The following GSS variants were observed in gnomAD, a reference collection of about 807,000 sequenced individuals.
GSS encodes glutathione synthetase.
In GSS, 34 loss-of-function variants were observed where a neutral mutation model predicts 60.4. The observed-to-expected ratio is 0.56, with a 90% CI of 0.43 to 0.75. The LOEUF (loss-of-function observed/expected upper bound fraction) is 0.75. GSS is among the 30% of genes least tolerant of loss of function. The pLI is 0.00. For synonymous variants in GSS, 224 were observed against 239.0 expected (o/e 0.94, Z 0.58); for missense variants, 499 against 595.1 (o/e 0.84, Z 1.68).
At chr20:34,945,055 C>G (rs920809492) in intron 3 of GSS, among the ~76,000 whole-genome samples, 1 of 151,424 alleles carries the variant, frequency 6.6e-6, no homozygotes, top group African/African-American at 2.4e-5. Context: ...GAGTCTCGCT[C>G]TGTCGCCCAG....
chr20:34,953,373 C>T (rs1210331329), intron 1 of GSS, among the ~76,000 whole-genome samples: 2 of 152,146 alleles, frequency 1.3e-5, no homozygotes, highest in African/African-American at 4.8e-5. Context: ...AAAGAATGCG[C>T]ATGTGATCTC....
intron 6 of GSS, among the ~76,000 whole-genome samples, chr20:34,941,144 C>T (rs2081479240): frequency 6.6e-6 from 1 of 152,150 alleles, no homozygotes; most frequent in Non-Finnish European, 1.5e-5. Flanking sequence ...ATCACGAGGT[C>T]AGGAGTTCGA....
chr20:34,941,049 G>C (rs2081478272), intron 6 of GSS, among the ~76,000 whole-genome samples: 1 of 152,076 alleles, frequency 6.6e-6, no homozygotes, highest in Non-Finnish European at 1.5e-5. Flanking sequence ...AAACAGACAA[G>C]AAAACTATGA....
chr20:34,932,256 A>G, intron 9 of GSS, 123 bp from the exon 10 acceptor site: 1 of 805,978 alleles, frequency 1.2e-6, no homozygotes, highest in South Asian at 1.4e-5. Context: ...ATCACCCAGG[A>G]TCATTCTAAC....
chr20:34,936,293 T>C (rs576458928), intron 8 of GSS, among the ~76,000 whole-genome samples: 38 of 152,230 alleles, frequency 2.5e-4, no homozygotes, highest in Admixed American at 4.6e-4. Flanking sequence ...TCTAAATATA[T>C]GTGCTGCAAT....
At chr20:34,941,597 C>T (rs2081483231) in intron 6 of GSS, 116 bp downstream of exon 6, 1 of 746,812 alleles carries the variant, frequency 1.3e-6, no homozygotes, top group Admixed American at 1.8e-5. Flanking sequence ...GTATAAGTTT[C>T]TATTCCTAGA....
chr20:34,944,575 A>G (rs1176029149), intron 3 of GSS, among the ~76,000 whole-genome samples: 1 of 152,220 alleles, frequency 6.6e-6, no homozygotes, highest in Non-Finnish European at 1.5e-5. Context: ...AATTAATCAA[A>G]GACATGCAAT....
intron 2 of GSS, among the ~76,000 whole-genome samples, chr20:34,950,603 CAAA>C (rs1333931521): frequency 8.7e-6 from 1 of 114,580 alleles, no homozygotes; most frequent in African/African-American, 3.2e-5. Context: ...CTGTCCCTAC[CAAA>C]AAAAAAAAAA....
chr20:34,936,916 C>A, intron 7 of GSS, 27 bp downstream of exon 7: 1 of 1,607,314 alleles, frequency 6.2e-7, no homozygotes, highest in Non-Finnish European at 8.5e-7. Flanking sequence ...TGGAGCCACA[C>A]CTAGAAGTCC....
rs1328718378 is a variant in GSS at position 34,929,582 on chromosome 20, G to A, written c.1120C>T (p.Leu374=). 2 of 1,613,746 alleles carry A rather than the reference G, an allele frequency of 1.2e-6. No individual in the cohort carries two copies. Among genetic ancestry groups the A allele is most frequent in the Admixed American group, 3.3e-5 (2 of 60,018 alleles). Reference sequence around the variant, plus strand: ...GCCTGTACCATTTCCTCCCCATATAGGTTGTTACCTGCAATGAAACTGGCC... The same window carrying A: ...GCCTGTACCATTTCCTCCCCATATAAGTTGTTACCTGCAATGAAACTGGCC... ...KPQREGGGNN[L]YGEEMVQALK... is the part of the protein sequence containing the mutation. The change falls in exon 12 of 13, where the codon CTA becomes TTA. Residue 374 remains leucine (L), a synonymous_variant. Coordinates refer to ENST00000651619, the MANE Select transcript of GSS (RefSeq NM_000178.4).
At chr20:34,942,235 G>A (rs1469101744) in intron 5 of GSS, among the ~76,000 whole-genome samples, 4 of 152,154 alleles carry the variant, frequency 2.6e-5, no homozygotes, top group Admixed American at 1.3e-4. Context: ...TCTCTCTGGG[G>A]CTCTCAAGAT....
intron 8 of GSS, 94 bp from the exon 9 acceptor site, chr20:34,935,736 C>G (rs933853304): frequency 6.7e-6 from 7 of 1,046,652 alleles, no homozygotes; most frequent in Non-Finnish European, 1.0e-5. Context: ...ATGAATTTGG[C>G]TTTTTCAAAA....
chr20:34,928,666 G>A lies in GSS; in HGVS notation c.*162C>T. 1.3e-6 allele frequency: 1 copy of A among 775,842 alleles called. No homozygotes were observed. Among genetic ancestry groups the A allele is most frequent in the South Asian group, 1.5e-5 (1 of 66,802 alleles). 48.1% of individuals were successfully genotyped at this position (775,842 alleles called of 1,614,324 possible). A position where few individuals can be genotyped will look rare whatever the true frequency, so the allele number is the denominator to read the frequency against. ...GGGGGCGTCTAGATCTCATCTAAGG[G>A]AGACACAACTTTTCTGGTCCTCAGA... On this transcript the variant is annotated 3_prime_UTR_variant, in exon 13 of 13. Coordinates refer to ENST00000651619, the MANE Select transcript of GSS (RefSeq NM_000178.4).
At chr20:34,951,671 G>T in intron 2 of GSS, 53 bp downstream of exon 2, 1 of 1,562,134 alleles carries the variant, frequency 6.4e-7, no homozygotes, top group South Asian at 1.2e-5. Flanking sequence ...CAGCCTGGCC[G>T]GGGCCAGACA....
In GSS at chr20:34,931,365, A is replaced by C. The variant is rs776149473; in HGVS notation, c.1082T>G (p.Phe361Cys). 1 of 1,614,220 alleles carries C rather than the reference A, an allele frequency of 6.2e-7. No homozygotes were observed. The highest frequency in any genetic ancestry group is 1.3e-5 in the African/African-American group (1 of 75,056). Reference sequence around the variant, plus strand: ...ACCCTCTCTCTGGGGCTTTAGCACAAACCGGCTAGGGGCAGCAAGGGCCTC... The same window carrying C: ...ACCCTCTCTCTGGGGCTTTAGCACACACCGGCTAGGGGCAGCAAGGGCCTC... ...IAEALAAPSR[F>C]VLKPQREGGG... Residue 361 changes from phenylalanine to cysteine, a missense_variant, in exon 11 of 13, where the codon TTT becomes TGT. Transcript: ENST00000651619.
At position 34,952,138 on chromosome 20, in the gene GSS, G is replaced by C. The variant is rs145981718; in HGVS notation, c.-8-278C>G. 240 of 466,804 alleles carry C rather than the reference G, an allele frequency of 5.1e-4. 2 individuals carry two copies. Among genetic ancestry groups the C allele is most frequent in the African/African-American group, 4.3e-3 (217 of 50,810 alleles). The allele number at this position is 466,804 out of a possible 1,614,324, so 28.9% of individuals were successfully genotyped here. A position where few individuals can be genotyped will look rare whatever the true frequency, so the allele number is the denominator to read the frequency against. On this transcript the variant is annotated intron_variant, in intron 1 of 12. Transcript: ENST00000651619. ...AGTAAGGAAGCAGAGGCTTGGAGAGGTGAAATGACTTGCCCGAGGTGATGA... is the reference window on the plus strand; with the variant it reads ...AGTAAGGAAGCAGAGGCTTGGAGAGCTGAAATGACTTGCCCGAGGTGATGA...
intron 2 of GSS, chr20:34,951,379 T>G: frequency 1.1e-5 from 3 of 260,924 alleles, no homozygotes; most frequent in South Asian, 5.6e-5. Context: ...GATTATGGGG[T>G]TTTCAGTAAT....
At chr20:34,932,799 CACAA>C (rs1256753936) in intron 9 of GSS, among the ~76,000 whole-genome samples, 1 of 152,114 alleles carries the variant, frequency 6.6e-6, no homozygotes, top group Admixed American at 6.6e-5. Context: ...CGCACACGCA[CACAA>C]ACATACACAC....
At chr20:34,955,213 C>T (rs958834758) in intron 1 of GSS, 6 of 152,186 alleles carry the variant, frequency 3.9e-5, no homozygotes, top group African/African-American at 1.4e-4. Flanking sequence ...ACTTCTCTAC[C>T]TAGTAATTAG....
Sources: allele counts gnomAD v4.1 joint callset (sites outside exome capture counted in the v4.1 genomes callset), GRCh38; gene constraint gnomAD v4.1.1; transcripts MANE v1.5; gene names NCBI Gene and HGNC (gene_info 2026-07-23, HGNC 2026-07-21).